SLC22A24: variants seen among roughly 807,000 people sequenced by gnomAD.
SLC22A24 encodes the protein steroid transmembrane transporter SLC22A24.
SLC22A24 carries 53 observed loss-of-function variants against 49.8 expected under a neutral mutation model. The observed-to-expected ratio is 1.06, with a 90% confidence interval of 0.85 to 1.34. The LOEUF is 1.34. Ranked by LOEUF, SLC22A24 falls within the 40% of genes most tolerant of loss-of-function variation. The pLI, the probability that SLC22A24 is intolerant of heterozygous loss-of-function variation, is 0.00. For synonymous variants in SLC22A24, 302 were observed against 256.4 expected (o/e 1.18, Z -1.70); for missense variants, 786 against 675.9 (o/e 1.16, Z -1.81).
chr11:63,083,515 T>G, intron 6 of SLC22A24, 58 bp from the exon 7 acceptor site: 1 of 1,372,686 alleles, frequency 7.3e-7, no homozygotes, highest in Non-Finnish European at 1.0e-6. Context: ...CTAGGAAACA[T>G]TTTCTGAGAT....
intron 1 of SLC22A24, among the ~76,000 whole-genome samples, chr11:63,139,914 T>G (rs2087402490): frequency 1.4e-5 from 2 of 139,522 alleles, no homozygotes; most frequent in East Asian, 1.9e-4. Context: ...TATTTATATG[T>G]TTTTTTTTGT....
In SLC22A24 at chr11:63,119,053, C is replaced by G. The variant is rs765593659; in HGVS notation, c.689G>C (p.Arg230Pro). 6.4e-7 allele frequency: 1 copy of G among 1,550,516 alleles called. No individual in the cohort carries two copies. The highest frequency in any genetic ancestry group is 2.0e-5 in the Admixed American group (1 of 50,952). ...LSLEWTLPRS[R>P]SMTIMVLLCS... Reference sequence around the variant, plus strand: ...TAATAGCACCATTATTGTCATAGATCGTGACCGGGGCAATGTCCACTCTAA... The same window carrying G: ...TAATAGCACCATTATTGTCATAGATGGTGACCGGGGCAATGTCCACTCTAA... The change falls in exon 4 of 10, where the codon CGA (arginine) becomes CCA (proline). Residue 230 changes from arginine (R) to proline (P), a missense_variant. Coordinates refer to ENST00000612278, the MANE Select transcript of SLC22A24 (RefSeq NM_001136506.2).
intron 5 of SLC22A24, among the ~76,000 whole-genome samples, chr11:63,099,700 A>G (rs940244691): frequency 2.0e-5 from 3 of 152,114 alleles, no homozygotes; most frequent in Non-Finnish European, 4.4e-5. Context: ...GCCAATTTCA[A>G]TGACACGTGA....
Position 63,083,475 on chromosome 11 carries a change from G to A in SLC22A24, c.1071-18C>T, listed in dbSNP as rs1453798640. ...TTGCGAATCTGAAGTGAATAAAAAG[G>A]ACAAAGACATATTCAATAAGATTTA... On this transcript the variant is annotated intron_variant, in intron 6 of 9. Coordinates refer to ENST00000612278, the MANE Select transcript of SLC22A24 (RefSeq NM_001136506.2). 3.3e-6 allele frequency: 5 copies of A among 1,528,618 alleles called. No individual in the cohort carries two copies. The African/African-American group carries it at 5.5e-5, about 17-fold the overall frequency. 94.7% of individuals were successfully genotyped at this position (1,528,618 alleles called of 1,614,324 possible). A position where few individuals can be genotyped will look rare whatever the true frequency, so the allele number is the denominator to read the frequency against.
intron 1 of SLC22A24, among the ~76,000 whole-genome samples, chr11:63,140,186 A>G (rs2087405950): frequency 6.6e-6 from 1 of 151,080 alleles, no homozygotes; most frequent in Non-Finnish European, 1.5e-5. Flanking sequence ...GATTCAAGCA[A>G]TTCTCCTGCC....
At chr11:63,113,573 A>G (rs1414077345) in intron 4 of SLC22A24, among the ~76,000 whole-genome samples, 1 of 151,916 alleles carries the variant, frequency 6.6e-6, no homozygotes, top group African/African-American at 2.4e-5. Context: ...AAGAATGTTG[A>G]GGCCGGGCAC....
At chr11:63,132,939 A>T (rs1267882666) in intron 2 of SLC22A24, among the ~76,000 whole-genome samples, 1 of 152,200 alleles carries the variant, frequency 6.6e-6, no homozygotes, top group African/African-American at 2.4e-5. Context: ...AGTAGTCCTT[A>T]CGGAGCTACG....
rs539082831 is a variant in SLC22A24 at position 63,115,881 on chromosome 11, T to C, written c.830+3031A>G. ...CACCTTGGTAGACAGAGATATCCAC[T>C]CTGAAGTCTTTGTAGGGGCTTGGGC... is the stretch of plus-strand genomic sequence containing the variant. On this transcript the variant is annotated intron_variant, in intron 4 of 9. Coordinates refer to ENST00000612278, the MANE Select transcript of SLC22A24 (RefSeq NM_001136506.2). 1.9e-5 allele frequency: 5 copies of C among 267,140 alleles called. No individual in the cohort carries two copies. In the East Asian group the frequency reaches 3.7e-4, roughly 20 times the overall value. 16.5% of individuals were successfully genotyped at this position (267,140 alleles called of 1,614,324 possible).
At chr11:63,087,060 A>ACACACAC (rs1565322908) in intron 6 of SLC22A24, among the ~76,000 whole-genome samples, 1 of 70,372 alleles carries the variant, frequency 1.4e-5, no homozygotes, top group Non-Finnish European at 2.9e-5. Context: ...ACACACACAG[A>ACACACAC]GGGAGAGAGA....
At chr11:63,122,638 C>T (rs1471639471) in intron 2 of SLC22A24, among the ~76,000 whole-genome samples, 1 of 152,100 alleles carries the variant, frequency 6.6e-6, no homozygotes, top group African/African-American at 2.4e-5. Flanking sequence ...CCTCAGCCTC[C>T]CGAGTAGCTG....
In SLC22A24 at chr11:63,119,319, T is replaced by C. The variant is rs373015794; in HGVS notation, c.523A>G (p.Ile175Val). The C allele has an allele frequency of 1.6e-5, 25 of 1,546,100 alleles. No homozygotes were observed. Among genetic ancestry groups the C allele is most frequent in the Non-Finnish European group, 2.2e-5 (25 of 1,145,480 alleles). ...HLSDRVGRKI[I>V]CKLCFLQLAI... is the part of the protein sequence containing the mutation. ...AGCTGGAGGAAACACAATTTGCATA[T>C]GATCTTCCGTCCAACCCTAAGAAAT... is the stretch of plus-strand genomic sequence containing the variant. The change falls in exon 3 of 10, where the codon ATA becomes GTA. Residue 175 changes from isoleucine to valine, a missense_variant. Physicochemically the swap from Ile to Val is conservative, Grantham distance 29 (BLOSUM62 3). Coordinates refer to ENST00000612278, the MANE Select transcript of SLC22A24 (RefSeq NM_001136506.2).
intron 1 of SLC22A24, among the ~76,000 whole-genome samples, chr11:63,136,835 G>A (rs996258906): frequency 2.0e-5 from 3 of 152,168 alleles, no homozygotes; most frequent in Non-Finnish European, 4.4e-5. Flanking sequence ...ACTGGTGGCT[G>A]ACTCTGGTAC....
intron 4 of SLC22A24, among the ~76,000 whole-genome samples, chr11:63,111,458 G>A (rs1005311930): frequency 1.3e-5 from 2 of 151,796 alleles, no homozygotes; most frequent in African/African-American, 4.8e-5. Context: ...GGTAGAATTC[G>A]GCTGTGAATC....
rs141773684 is a variant in SLC22A24, at chr11:63,129,456, C to T, written c.506+5209G>A. Among the ~76,000 whole-genome samples, 264 of 152,250 alleles carry T rather than the reference C, an allele frequency of 1.7e-3. 1 individual carries two copies. Among genetic ancestry groups the T allele is most frequent in the African/African-American group, 6.1e-3 (254 of 41,548 alleles). On this transcript the variant is annotated intron_variant, in intron 2 of 9. Transcript: ENST00000612278. Reference sequence around the variant, plus strand: ...TTTGCTTAGGGTTGTCTTGGCTATGCGGTCTCTTTTTGGTTCCATGTGAAT... The same window carrying T: ...TTTGCTTAGGGTTGTCTTGGCTATGTGGTCTCTTTTTGGTTCCATGTGAAT...
intron 5 of SLC22A24, among the ~76,000 whole-genome samples, chr11:63,103,348 G>C (rs1216105114): frequency 1.3e-5 from 2 of 152,114 alleles, no homozygotes. Context: ...TACTTCCTCT[G>C]TGTTTTCTCA....
At position 63,134,727 on chromosome 11, in the gene SLC22A24, A is replaced by G. The variant is rs368461288; in HGVS notation, c.444T>C (p.Val148=). Residue 148 remains valine (V), a synonymous_variant, in exon 2 of 10, where the codon GTT becomes GTC. Transcript: ENST00000612278. ...VCESQSLKSM[V]QSLFMAGSLL... The stretch of plus-strand genomic sequence containing the variant: ...GTGACCCAGCCATAAATAGGGATTG[A>G]ACCATTGATTTTAGTGACTGAGATT... 17 of 1,568,266 alleles carry G rather than the reference A, an allele frequency of 1.1e-5. 1 individual carries two copies. The African/African-American group carries it at 1.8e-4, about 16-fold the overall frequency.
intron 4 of SLC22A24, among the ~76,000 whole-genome samples, chr11:63,113,203 C>CATATAT (rs1392395181): frequency 5.3e-4 from 2 of 3,740 alleles, no homozygotes; most frequent in African/African-American, 1.1e-3. Context: ...TATATATATA[C>CATATAT]ATATATATAC....
chr11:63,094,556 A>T (rs1437773891), intron 6 of SLC22A24, among the ~76,000 whole-genome samples: 1 of 152,174 alleles, frequency 6.6e-6, no homozygotes, highest in Non-Finnish European at 1.5e-5. Flanking sequence ...GAATCGCCAC[A>T]CTGACTTCCA....
Position 63,130,954 on chromosome 11 carries a change from G to T in SLC22A24, c.506+3711C>A, listed in dbSNP as rs904988282. 1.4e-4 allele frequency among the ~76,000 whole-genome samples: 22 copies of T among 151,818 alleles called. No homozygotes were observed. In the South Asian group the frequency reaches 4.4e-3, roughly 30 times the overall value. On this transcript the variant is annotated intron_variant, in intron 2 of 9. Coordinates refer to ENST00000612278, the MANE Select transcript of SLC22A24 (RefSeq NM_001136506.2). ...AAGAACTTGCTTTATGAATCTGGGT[G>T]GTCCTGTATTGGGTGTATATATATT... is the stretch of plus-strand genomic sequence containing the variant.
Sources: allele counts gnomAD v4.1 joint callset (sites outside exome capture counted in the v4.1 genomes callset), GRCh38; gene constraint gnomAD v4.1.1; transcripts MANE v1.5; gene names NCBI Gene and HGNC (gene_info 2026-07-23, HGNC 2026-07-21).